The following RGS6 variants were observed in gnomAD, a reference collection of about 807,000 sequenced individuals.
RGS6 encodes regulator of G-protein signaling 6.
A neutral mutation model predicts 78.5 loss-of-function variants in RGS6; 30 were observed. The observed-to-expected ratio is 0.38, with a 90% CI of 0.29 to 0.52. The LOEUF is 0.52. RGS6 is among the 20% of genes least tolerant of loss of function. RGS6 has a pLI of 0.85. For synonymous variants in RGS6, 206 were observed against 206.0 expected (o/e 1.00, Z 0.00); for missense variants, 495 against 609.7 (o/e 0.81, Z 1.98).
At chr14:72,299,881 C>T (rs539901143) in intron 2 of RGS6, among the ~76,000 whole-genome samples, 17 of 152,160 alleles carry the variant, frequency 1.1e-4, no homozygotes, top group African/African-American at 3.9e-4. Flanking sequence ...CTTCATTTCT[C>T]TCGTTTTTTT....
intron 2 of RGS6, among the ~76,000 whole-genome samples, chr14:71,966,894 T>C (rs932683205): frequency 8.5e-5 from 13 of 152,068 alleles, no homozygotes; most frequent in African/African-American, 2.9e-4. Context: ...AGGAAAACAA[T>C]AAAAATATTT....
chr14:72,391,250 C>G (rs2089911904), intron 3 of RGS6, among the ~76,000 whole-genome samples: 2 of 105,308 alleles, frequency 1.9e-5, no homozygotes, highest in South Asian at 6.8e-4. Flanking sequence ...TAAAGAAATT[C>G]AAACTTCAAG....
intron 2 of RGS6, among the ~76,000 whole-genome samples, chr14:72,160,598 TAAGTTA>T (rs2096839042): frequency 6.6e-6 from 1 of 152,196 alleles, no homozygotes; most frequent in South Asian, 2.1e-4. Context: ...AAAAGGTGAT[TAAGTTA>T]AAGTGAAAAT....
chr14:72,040,601 G>C (rs1049004247), intron 2 of RGS6, among the ~76,000 whole-genome samples: 18 of 152,022 alleles, frequency 1.2e-4, no homozygotes, highest in Non-Finnish European at 2.4e-4. Flanking sequence ...AGGCTCTTCA[G>C]GTTCATCCTA....
At chr14:72,400,997 A>G (rs2092330505) in intron 3 of RGS6, among the ~76,000 whole-genome samples, 1 of 152,212 alleles carries the variant, frequency 6.6e-6, no homozygotes, top group South Asian at 2.1e-4. Context: ...GAAGTGTGTG[A>G]CATTAGGTTA....
chr14:72,460,813 C>G (rs2095757932), intron 6 of RGS6, among the ~76,000 whole-genome samples: 1 of 152,006 alleles, frequency 6.6e-6, no homozygotes, highest in African/African-American at 2.4e-5. Context: ...GGGTGGTGAT[C>G]AGGGGAGCCT....
At chr14:72,035,897 A>G (rs2091625546) in intron 2 of RGS6, among the ~76,000 whole-genome samples, 1 of 152,186 alleles carries the variant, frequency 6.6e-6, no homozygotes, top group African/African-American at 2.4e-5. Flanking sequence ...TTGACGTTGT[A>G]TGTGAGTACA....
the RGS6 span, among the ~76,000 whole-genome samples, chr14:72,609,212 G>C: frequency 6.6e-6 from 1 of 152,102 alleles, no homozygotes; most frequent in African/African-American, 2.4e-5. Context: ...GATATCGAGG[G>C]GTCCCAAAGA....
intron 1 of RGS6, among the ~76,000 whole-genome samples, chr14:71,953,840 CT>C (rs2092555873): frequency 6.6e-6 from 1 of 151,892 alleles, no homozygotes; most frequent in African/African-American, 2.4e-5. Context: ...TGAAGAACTT[CT>C]TTTTGCATTT....
At chr14:72,031,605 G>C (rs534799617) in intron 2 of RGS6, among the ~76,000 whole-genome samples, 4 of 152,294 alleles carry the variant, frequency 2.6e-5, no homozygotes, top group African/African-American at 9.6e-5. Flanking sequence ...CTGATGGGAG[G>C]CTCCATCCAT....
At chr14:72,150,399 T>A (rs781579889) in intron 2 of RGS6, among the ~76,000 whole-genome samples, 6 of 152,122 alleles carry the variant, frequency 3.9e-5, no homozygotes, top group Non-Finnish European at 8.8e-5. Context: ...AATTTCTGTT[T>A]TAAGCCACGT....
intron 2 of RGS6, among the ~76,000 whole-genome samples, chr14:72,057,447 G>C (rs2093676832): frequency 6.6e-6 from 1 of 151,840 alleles, no homozygotes; most frequent in East Asian, 1.9e-4. Flanking sequence ...GGGATCTGTG[G>C]TTACACTCTT....
At chr14:72,628,212 A>C in the RGS6 span, among the ~76,000 whole-genome samples, 1 of 152,110 alleles carries the variant, frequency 6.6e-6, no homozygotes, top group Non-Finnish European at 1.5e-5. Flanking sequence ...AATTGTGCCT[A>C]GTGTTTTCCT....
At chr14:72,535,213 G>A (rs1182791100) in intron 15 of RGS6, among the ~76,000 whole-genome samples, 1 of 152,178 alleles carries the variant, frequency 6.6e-6, no homozygotes, top group Admixed American at 6.5e-5. Flanking sequence ...AGGCCAGAAT[G>A]TATAACAAAT....
chr14:72,374,885 G>A (rs554896912), intron 3 of RGS6, among the ~76,000 whole-genome samples: 1 of 152,250 alleles, frequency 6.6e-6, no homozygotes, highest in South Asian at 2.1e-4. Context: ...GAAGAAAAGA[G>A]GATTAAGGAT....
Position 71,964,806 on chromosome 14 carries a change from C to T in RGS6, c.15C>T (p.Ser5=), listed in dbSNP as rs774370078. ...AGACACTCAGGATGGCTCAAGGATC[C>T]GGGGATCAAAGAGCAGTGGGGGTTG... is the stretch of plus-strand genomic sequence containing the variant. MAQG[S]GDQRAVGVAD... Residue 5 remains serine (S), a synonymous_variant, in exon 2 of 18, where the codon TCC becomes TCT. Coordinates refer to ENST00000553525, the MANE Select transcript of RGS6 (RefSeq NM_001204424.2). 31 of 1,613,342 alleles carry T rather than the reference C, an allele frequency of 1.9e-5. No homozygotes were observed. Among genetic ancestry groups the T allele is most frequent in the Middle Eastern group, 1.7e-4 (1 of 5,852 alleles).
intron 2 of RGS6, among the ~76,000 whole-genome samples, chr14:72,310,408 T>A (rs920565274): frequency 8.5e-5 from 13 of 152,220 alleles, no homozygotes; most frequent in Non-Finnish European, 1.9e-4. Flanking sequence ...GTGAGCCGAT[T>A]CCTAGGCCCC....
intron 2 of RGS6, among the ~76,000 whole-genome samples, chr14:71,979,769 T>C (rs1203733417): frequency 6.6e-6 from 1 of 152,192 alleles, no homozygotes; most frequent in African/African-American, 2.4e-5. Context: ...TGTAGATGTC[T>C]ATTAGGTCTG....
intron 6 of RGS6, among the ~76,000 whole-genome samples, chr14:72,463,392 A>G (rs1337636172): frequency 2.0e-5 from 3 of 152,214 alleles, no homozygotes; most frequent in Admixed American, 2.0e-4. Flanking sequence ...TGTGCCAAGA[A>G]CAGCCACATC....
Sources: allele counts gnomAD v4.1 joint callset (sites outside exome capture counted in the v4.1 genomes callset), GRCh38; gene constraint gnomAD v4.1.1; transcripts MANE v1.5; gene names NCBI Gene and HGNC (gene_info 2026-07-23, HGNC 2026-07-21).